ZNF20: variants seen among roughly 807,000 people sequenced by gnomAD.
The protein encoded by ZNF20 is zinc finger protein 20, also known as zinc finger protein KOX13.
ZNF20 carries 9 observed loss-of-function variants against 11.0 expected under a neutral mutation model. The ratio of observed to expected loss-of-function variants is 0.82; its 90% CI spans 0.49 to 1.43. The LOEUF (loss-of-function observed/expected upper bound fraction) is 1.43, where lower values mean the gene tolerates loss of function less well. Ranked by LOEUF, ZNF20 falls within the 40% of genes most tolerant of loss-of-function variation. ZNF20 has a pLI of 0.00. For missense variants in ZNF20, 528 were observed against 640.8 expected (o/e 0.82, Z 1.90); for synonymous variants, 182 against 213.0 (o/e 0.85, Z 1.27).
intron 1 of ZNF20, among the ~76,000 whole-genome samples, chr19:12,136,173 T>C (rs866807172): frequency 5.3e-5 from 8 of 151,334 alleles, no homozygotes; most frequent in Middle Eastern, 3.2e-3. Context: ...GGTCAGGAGT[T>C]TGAGACCAGC....
intron 3 of ZNF20, among the ~76,000 whole-genome samples, chr19:12,135,252 G>A (rs1404740221): frequency 6.6e-6 from 1 of 150,818 alleles, no homozygotes; most frequent in Non-Finnish European, 1.5e-5. Flanking sequence ...CAATTCTCCT[G>A]CCTCAGCCTC....
Position 12,132,902 on chromosome 19 carries a change from A to C in ZNF20, c.1284T>G (p.Cys428Trp). Residue 428 changes from cysteine (C) to tryptophan (W), a missense_variant, in exon 4 of 4, where the codon TGT (cysteine) becomes TGG (tryptophan). Coordinates refer to ENST00000334213, the MANE Select transcript of ZNF20 (RefSeq NM_021143.4). ...TGEKPHECKQ[C>W]GKAFRYFSSL... is the part of the protein sequence containing the mutation. ...AAGAGAAATACCTGAATGCTTTTCCACATTGCTTACATTCATGGGGCTTCT... is the reference window on the plus strand; with the variant it reads ...AAGAGAAATACCTGAATGCTTTTCCCCATTGCTTACATTCATGGGGCTTCT... 2.5e-6 allele frequency: 4 copies of C among 1,614,174 alleles called. No homozygotes were observed. The highest frequency in any genetic ancestry group is 3.4e-6 in the Non-Finnish European group (4 of 1,180,016).
At position 12,131,933 on chromosome 19, in the gene ZNF20, C is replaced by T. The variant is rs1976629031; in HGVS notation, c.*654G>A. On this transcript the variant is annotated 3_prime_UTR_variant, in exon 4 of 4. Transcript: ENST00000334213. The stretch of plus-strand genomic sequence containing the variant: ...ATTTCCTGATAAGAGCAAGGTGGCT[C>T]TTCTCACATAAAAGCCCTTGGTGAG... 6.6e-6 allele frequency: 1 copy of T among 152,228 alleles called. No homozygotes were observed. Among genetic ancestry groups the T allele is most frequent in the South Asian group, 2.1e-4 (1 of 4,832 alleles). 9.4% of individuals were successfully genotyped at this position (152,228 alleles called of 1,614,324 possible).
chr19:12,132,679 C>A lies in ZNF20; in HGVS notation c.1507G>T (p.Glu503Ter). 3 of 1,614,142 alleles carry A rather than the reference C, an allele frequency of 1.9e-6. No individual in the cohort carries two copies. The highest frequency in any genetic ancestry group is 2.5e-6 in the Non-Finnish European group (3 of 1,180,012). The part of the protein sequence containing the change: ...IRYHERTHTG[E>*]KPYQCKQCGK... Reference sequence around the variant, plus strand: ...CATTGCTTGCATTGATAGGGTTTCTCTCCAGTGTGAGTCCTTTCATGATAT... The same window carrying A: ...CATTGCTTGCATTGATAGGGTTTCTATCCAGTGTGAGTCCTTTCATGATAT... The change falls in exon 4 of 4, where the codon GAG becomes TAG. Residue 503 changes from glutamate (E) to a stop codon, truncating the protein, a stop_gained. Coordinates refer to ENST00000334213, the MANE Select transcript of ZNF20 (RefSeq NM_021143.4). LOFTEE classifies it low-confidence loss of function (END_TRUNC).
chr19:12,135,733 C>T, intron 2 of ZNF20, 36 bp downstream of exon 2: 2 of 1,609,410 alleles, frequency 1.2e-6, no homozygotes, highest in Non-Finnish European at 1.7e-6. Flanking sequence ...AGCATTTGTT[C>T]TCTAATTCAC....
intron 3 of ZNF20, 95 bp downstream of exon 3, chr19:12,135,405 G>A: frequency 7.7e-7 from 1 of 1,303,048 alleles, no homozygotes; most frequent in Non-Finnish European, 1.1e-6. Flanking sequence ...CTCCCAAAGT[G>A]CTGGGATTAC....
intron 3 of ZNF20, among the ~76,000 whole-genome samples, chr19:12,135,279 A>G (rs1423236458): frequency 1.3e-5 from 2 of 152,056 alleles, no homozygotes; most frequent in Non-Finnish European, 2.9e-5. Flanking sequence ...AGCTGGGACT[A>G]CAGGCATGTG....
In ZNF20 at chr19:12,135,504, G is replaced by T. The variant is rs372201583; in HGVS notation, c.196C>A (p.Leu66Ile). The change falls in exon 3 of 4, where the codon CTA becomes ATA. Residue 66 changes from leucine (L) to isoleucine (I), a missense_variant. By Grantham distance (5) the Leu-to-Ile change is conservative. Transcript: ENST00000334213. ...TGTCTTGCGAGAGAAAATTACCTTA[G>T]ATTTCTCCTGGGATTTTTGTACTCA... ...EDEYKNPRRN[L>I]SLMREKLCES... 1.9e-6 allele frequency: 3 copies of T among 1,613,540 alleles called. No individual in the cohort carries two copies. The highest frequency in any genetic ancestry group is 2.7e-5 in the African/African-American group (2 of 74,996).
rs1305376511 is a variant in ZNF20 at position 12,139,658 on chromosome 19, G to A, written c.3+522C>T. ...CGATTCTCCTGCTTCAGCCTCCTGA[G>A]TAGCGGGGACTACAGGCGCATGCCA... On this transcript the variant is annotated intron_variant, in intron 1 of 3. Coordinates refer to ENST00000334213, the MANE Select transcript of ZNF20 (RefSeq NM_021143.4). The surrounding 1 kb of genome is among the most constrained non-coding windows in gnomAD (Gnocchi z 4.0). 6.6e-6 allele frequency among the ~76,000 whole-genome samples: 1 copy of A among 151,902 alleles called. No homozygotes were observed. Among genetic ancestry groups the A allele is most frequent in the Non-Finnish European group, 1.5e-5 (1 of 68,004 alleles).
chr19:12,132,543 GGAC>G lies in ZNF20; in HGVS notation c.*41_*43del, dbSNP rs768693235. 2.6e-6 allele frequency: 4 copies of G among 1,519,606 alleles called. No individual in the cohort carries two copies. In the South Asian group the frequency reaches 5.4e-5, roughly 21 times the overall value. The allele number at this position is 1,519,606 out of a possible 1,614,324, so 94.1% of individuals were successfully genotyped here. ...CTTTTCTTGTGTTTCAAAGGAAGTG[GGAC>G]AACAGAAAGCTTCTCCCGTTGCTTC... On this transcript the variant is annotated 3_prime_UTR_variant, in exon 4 of 4. Transcript: ENST00000334213.
At chr19:12,135,142 C>CT (rs35937238) in intron 3 of ZNF20, among the ~76,000 whole-genome samples, 49,656 of 142,134 alleles carry the variant, frequency 0.35, 11,475 homozygotes, top group African/African-American at 0.66. Flanking sequence ...CATTTTCTCA[C>CT]TTTTTTTTTT....
chr19:12,132,190 T>C lies in ZNF20; in HGVS notation c.*397A>G, dbSNP rs765927686. 2 of 124,518 alleles carry C rather than the reference T, an allele frequency of 1.6e-5. No homozygotes were observed. Among genetic ancestry groups the C allele is most frequent in the Non-Finnish European group, 3.0e-5 (2 of 65,940 alleles). 7.7% of individuals were successfully genotyped at this position (124,518 alleles called of 1,614,324 possible). The stretch of plus-strand genomic sequence containing the variant: ...CTGAAGAAACAGCAAAGTGGGCATG[T>C]ATCTTTAATGTGGAGCACTGGGGAC... On this transcript the variant is annotated 3_prime_UTR_variant, in exon 4 of 4. Coordinates refer to ENST00000334213, the MANE Select transcript of ZNF20 (RefSeq NM_021143.4).
At chr19:12,135,594 G>T (rs773846605) in intron 2 of ZNF20, 34 bp from the exon 3 acceptor site, 2 of 1,601,100 alleles carry the variant, frequency 1.2e-6, no homozygotes, top group African/African-American at 2.7e-5. Context: ...CACAGATCCA[G>T]AATTAGTATG....
Position 12,132,804 on chromosome 19 carries a change from G to A in ZNF20, c.1382C>T (p.Thr461Ile). 5 of 1,613,110 alleles carry A rather than the reference G, an allele frequency of 3.1e-6. No individual in the cohort carries two copies. Among genetic ancestry groups the A allele is most frequent in the Non-Finnish European group, 4.2e-6 (5 of 1,179,770 alleles). ...ATGATATCGAATGGAACTGGAACAA[G>A]TGAAGGCTTTGCCACATACCTTACA... ...YECKVCGKAF[T>I]CSSSIRYHER... is the part of the protein sequence containing the mutation. The change falls in exon 4 of 4, where the codon ACT becomes ATT. Residue 461 changes from threonine to isoleucine, a missense_variant. By Grantham distance (89) the Thr-to-Ile change is moderately conservative. Coordinates refer to ENST00000334213, the MANE Select transcript of ZNF20 (RefSeq NM_021143.4).
rs749425999 is a variant in ZNF20, at chr19:12,132,524, TTG to T, written c.*61_*62del. ...GAGGTTCTTTCACCACTCTCTTTTC[TTG>T]TGTTTCAAAGGAAGTGGGACAACAG... On this transcript the variant is annotated 3_prime_UTR_variant, in exon 4 of 4. Coordinates refer to ENST00000334213, the MANE Select transcript of ZNF20 (RefSeq NM_021143.4). The T allele has an allele frequency of 3.4e-5, 51 of 1,485,998 alleles. No homozygotes were observed. The South Asian group carries it at 6.9e-4, about 20-fold the overall frequency. The allele number at this position is 1,485,998 out of a possible 1,614,324, so 92.1% of individuals were successfully genotyped here.
rs867382548 is a variant in ZNF20 at position 12,132,022 on chromosome 19, G to A, written c.*565C>T. On this transcript the variant is annotated 3_prime_UTR_variant, in exon 4 of 4. Coordinates refer to ENST00000334213, the MANE Select transcript of ZNF20 (RefSeq NM_021143.4). Reference sequence around the variant, plus strand: ...ATCTAGTTGGTTTAATCAAGAACAGGCTCGCTAATCCGTAGAAACAACAAT... The same window carrying A: ...ATCTAGTTGGTTTAATCAAGAACAGACTCGCTAATCCGTAGAAACAACAAT... The A allele has an allele frequency of 2.6e-5, 4 of 153,080 alleles. No individual in the cohort carries two copies. Among genetic ancestry groups the A allele is most frequent in the African/African-American group, 7.2e-5 (3 of 41,420 alleles). 9.5% of individuals were successfully genotyped at this position (153,080 alleles called of 1,614,324 possible).
rs1210185861 is a variant in ZNF20, at chr19:12,133,971, TTC to T, written c.213_214del (p.Lys72ThrfsTer3). The T allele has an allele frequency of 4.4e-6, 7 of 1,607,056 alleles. No individual in the cohort carries two copies. Among genetic ancestry groups the T allele is most frequent in the African/African-American group, 4.0e-5 (3 of 74,590 alleles). On this transcript the variant is annotated frameshift_variant, in exon 4 of 4. Coordinates refer to ENST00000334213, the MANE Select transcript of ZNF20 (RefSeq NM_021143.4). LOFTEE classifies it low-confidence loss of function (END_TRUNC). ...ATGACTTTCTTTACTTTCACAGAGT[TTC>T]TCTCTCATAAGACTTCAGTGAAAAA... is the stretch of plus-strand genomic sequence containing the variant.
rs1211425270 is a variant in ZNF20, at chr19:12,133,502, C to T, written c.684G>A (p.Lys228=). The change falls in exon 4 of 4, where the codon AAG becomes AAA. Residue 228 remains lysine (K), a synonymous_variant. Transcript: ENST00000334213. ...ERIHTGVKPY[K]CKQCGKAFTR... is the part of the protein sequence containing the mutation. ...TAAAGGCCTTACCACATTGTTTACA[C>T]TTATATGGTTTCACACCAGTGTGAA... 3 of 1,614,200 alleles carry T rather than the reference C, an allele frequency of 1.9e-6. No homozygotes were observed. Among genetic ancestry groups the T allele is most frequent in the South Asian group, 1.1e-5 (1 of 91,086 alleles).
intron 1 of ZNF20, chr19:12,137,581 G>A (rs1425652842): frequency 6.6e-6 from 1 of 152,318 alleles, no homozygotes. Context: ...AACTCCCTAA[G>A]AGAAACCTCC....
Sources: allele counts gnomAD v4.1 joint callset (sites outside exome capture counted in the v4.1 genomes callset), GRCh38; gene constraint gnomAD v4.1.1; non-coding constraint Gnocchi (gnomAD v3.1); transcripts MANE v1.5; gene names NCBI Gene and HGNC (gene_info 2026-07-23, HGNC 2026-07-21).